POFUT3: variants seen among roughly 807,000 people sequenced by gnomAD.
POFUT3 encodes protein O-fucosyltransferase 3.
At chr8:33,377,363 A>G in the POFUT3 span, among the ~76,000 whole-genome samples, 1 of 152,236 alleles carries the variant, frequency 6.6e-6, no homozygotes, top group Non-Finnish European at 1.5e-5. Flanking sequence ...TGAAATCACC[A>G]ACACTGAAAA....
At chr8:33,434,223 T>G in the POFUT3 span, among the ~76,000 whole-genome samples, 1 of 152,188 alleles carries the variant, frequency 6.6e-6, no homozygotes, top group African/African-American at 2.4e-5. Context: ...ATCACACCAC[T>G]GCACTCCAGC....
chr8:33,405,885 A>G, the POFUT3 span, among the ~76,000 whole-genome samples: 1 of 152,358 alleles, frequency 6.6e-6, no homozygotes, highest in South Asian at 2.1e-4. Context: ...TTGAGCTTAC[A>G]AAATTTAATT....
the POFUT3 span, among the ~76,000 whole-genome samples, chr8:33,441,656 C>T: frequency 2.6e-5 from 4 of 152,180 alleles, 1 homozygote; most frequent in African/African-American, 9.6e-5. Flanking sequence ...GCTGGGATTA[C>T]AGGCACGAGC....
At chr8:33,470,624 A>G in the POFUT3 span, among the ~76,000 whole-genome samples, 1 of 152,200 alleles carries the variant, frequency 6.6e-6, no homozygotes, top group South Asian at 2.1e-4. Flanking sequence ...CCCACCCTAC[A>G]AGATACTCGA....
At chr8:33,469,993 C>T in the POFUT3 span, among the ~76,000 whole-genome samples, 2 of 151,334 alleles carry the variant, frequency 1.3e-5, no homozygotes, top group South Asian at 2.1e-4. Flanking sequence ...CAGGGTTTCA[C>T]GATGTTGGTC....
At chr8:33,309,837 C>T in the POFUT3 span, among the ~76,000 whole-genome samples, 2 of 152,160 alleles carry the variant, frequency 1.3e-5, no homozygotes, top group East Asian at 3.9e-4. Context: ...AGCAACTTGG[C>T]AGGGGAAACT....
chr8:33,440,708 C>T, the POFUT3 span, among the ~76,000 whole-genome samples: 1 of 152,180 alleles, frequency 6.6e-6, no homozygotes, highest in Non-Finnish European at 1.5e-5. Flanking sequence ...ATTTACATTG[C>T]TATCTGCTGC....
chr8:33,430,954 A>C, the POFUT3 span, among the ~76,000 whole-genome samples: 610 of 152,184 alleles, frequency 4.0e-3, 3 homozygotes, highest in African/African-American at 0.014. Context: ...ATACTGTGGC[A>C]GACACTAACT....
chr8:33,370,936 A>G, the POFUT3 span: 7 of 152,210 alleles, frequency 4.6e-5, no homozygotes, highest in African/African-American at 1.7e-4. Flanking sequence ...TTCATCCTCA[A>G]TACTACCCAT....
At chr8:33,461,403 G>A in the POFUT3 span, 6 of 1,613,092 alleles carry the variant, frequency 3.7e-6, no homozygotes, top group Non-Finnish European at 5.1e-6. Context: ...GACGGTGGCT[G>A]TGACGCACAG....
the POFUT3 span, among the ~76,000 whole-genome samples, chr8:33,317,147 G>A: frequency 2.0e-5 from 3 of 152,082 alleles, no homozygotes; most frequent in African/African-American, 4.8e-5. Flanking sequence ...AGTAATAATA[G>A]CTTAAAACAG....
At chr8:33,460,669 C>T in the POFUT3 span, 1 of 946,836 alleles carries the variant, frequency 1.1e-6, no homozygotes, top group Non-Finnish European at 1.3e-6. Context: ...GCTTTACTTC[C>T]TGTTTCTCTA....
chr8:33,355,724 GGTTA>G, the POFUT3 span, among the ~76,000 whole-genome samples: 5 of 151,784 alleles, frequency 3.3e-5, no homozygotes, highest in East Asian at 1.9e-4. Context: ...ACAATGTGCA[GGTTA>G]GTTACATATG....
the POFUT3 span, among the ~76,000 whole-genome samples, chr8:33,466,539 G>T: frequency 6.6e-6 from 1 of 152,048 alleles, no homozygotes; most frequent in African/African-American, 2.4e-5. Flanking sequence ...GCAGGGCAGG[G>T]CAGGGCCCAG....
At chr8:33,337,623 C>T in the POFUT3 span, among the ~76,000 whole-genome samples, 6 of 143,952 alleles carry the variant, frequency 4.2e-5, no homozygotes. Context: ...GGGGACATTA[C>T]TACCAATTTT....
At chr8:33,313,414 G>C in the POFUT3 span, among the ~76,000 whole-genome samples, 34 of 152,128 alleles carry the variant, frequency 2.2e-4, no homozygotes, top group Admixed American at 2.2e-3. Context: ...CTTCTTTTCC[G>C]ATCCTAACCC....
the POFUT3 span, among the ~76,000 whole-genome samples, chr8:33,362,594 C>CAAA: frequency 2.2e-5 from 3 of 133,492 alleles, no homozygotes; most frequent in African/African-American, 8.0e-5. Flanking sequence ...AAATGGAAAG[C>CAAA]AAAAAAAAAA....
the POFUT3 span, among the ~76,000 whole-genome samples, chr8:33,383,149 C>G: frequency 6.6e-6 from 1 of 152,122 alleles, no homozygotes; most frequent in African/African-American, 2.4e-5. Flanking sequence ...ACTTAACACT[C>G]AGCTCAGTAA....
chr8:33,349,753 A>T, the POFUT3 span, among the ~76,000 whole-genome samples: 17 of 152,290 alleles, frequency 1.1e-4, no homozygotes, highest in African/African-American at 4.1e-4. Context: ...TGCATGTACA[A>T]GTATCTTTTT....
Sources: allele counts gnomAD v4.1 joint callset (sites outside exome capture counted in the v4.1 genomes callset), GRCh38; gene constraint gnomAD v4.1.1; transcripts MANE v1.5; gene names NCBI Gene and HGNC (gene_info 2026-07-23, HGNC 2026-07-21).